The following CUL5 variants were observed in gnomAD, a reference collection of about 807,000 sequenced individuals.
CUL5 encodes cullin-5.
Under a neutral mutation model 108.8 loss-of-function variants are expected in CUL5, and 26 were observed. The observed-to-expected ratio is 0.24, with a 90% CI of 0.18 to 0.33. The LOEUF (loss-of-function observed/expected upper bound fraction) is 0.33, where lower values mean the gene tolerates loss of function less well. Among genes scored for constraint, CUL5 ranks in the 10% least tolerant of loss-of-function variants. CUL5 has a pLI of 1.00. For missense variants in CUL5, 524 were observed against 909.2 expected (o/e 0.58, Z 5.45); for synonymous variants, 334 against 298.0 (o/e 1.12, Z -1.25).
At chr11:108,046,547 C>T in intron 3 of CUL5, 178 bp downstream of exon 3, 3 of 524,622 alleles carry the variant, frequency 5.7e-6, no homozygotes, top group Non-Finnish European at 1.0e-5. Context: ...ATTTTTTTCC[C>T]ACAGTGATAC....
At position 108,026,988 on chromosome 11, in the gene CUL5, CAA is replaced by C. The variant is rs34941469; in HGVS notation, c.25-6796_25-6795del. On this transcript the variant is annotated intron_variant, in intron 1 of 18. Coordinates refer to ENST00000393094, the MANE Select transcript of CUL5 (RefSeq NM_003478.6). Reference sequence around the variant, plus strand: ...TGAAAGACAGAGTGAGACTCCGTCTCAAAAAAAAAAAAAAAAAAATTATTATT... The same window carrying C: ...TGAAAGACAGAGTGAGACTCCGTCTCAAAAAAAAAAAAAAAAATTATTATT... Among the ~76,000 whole-genome samples the C allele has an allele frequency of 4.7e-3, 455 of 97,144 alleles. 4 individuals are homozygous for C. The South Asian group carries it at 0.07, about 15-fold the overall frequency. 63.7% of individuals were successfully genotyped at this position (97,144 alleles called of 152,430 possible).
intron 11 of CUL5, among the ~76,000 whole-genome samples, chr11:108,083,325 T>C (rs1315210558): frequency 6.6e-6 from 1 of 152,228 alleles, no homozygotes; most frequent in Non-Finnish European, 1.5e-5. Context: ...CTGCATTAAG[T>C]AGTTTCCGAT....
intron 1 of CUL5, among the ~76,000 whole-genome samples, chr11:108,028,969 A>T (rs1316151424): frequency 6.6e-6 from 1 of 152,222 alleles, no homozygotes; most frequent in Non-Finnish European, 1.5e-5. Context: ...CCAGTAAGCT[A>T]AGTTACTTCT....
intron 16 of CUL5, 34 bp downstream of exon 16, chr11:108,095,725 T>C (rs1386379907): frequency 1.3e-6 from 2 of 1,545,382 alleles, no homozygotes; most frequent in African/African-American, 2.8e-5. Context: ...TAAGACTGTA[T>C]CCTCTCATGT....
intron 11 of CUL5, among the ~76,000 whole-genome samples, chr11:108,079,226 C>T (rs890536366): frequency 4.6e-5 from 7 of 152,188 alleles, no homozygotes; most frequent in African/African-American, 1.7e-4. Context: ...GCCTCAGCCT[C>T]CCGAGTAGCT....
intron 1 of CUL5, among the ~76,000 whole-genome samples, chr11:108,029,169 G>GAAGGGATTAGTTGTGCTGTAAGGAGTGAA (rs1862519405): frequency 6.6e-6 from 1 of 151,842 alleles, no homozygotes; most frequent in Non-Finnish European, 1.5e-5. Context: ...GAGTGCCTGT[G>GAAGGGATTAGTTGTGCTGTAAGGAGTGAA]AAGGGATTAG....
At chr11:108,071,155 G>GT (rs559762347) in intron 8 of CUL5, among the ~76,000 whole-genome samples, 15 of 152,268 alleles carry the variant, frequency 9.9e-5, no homozygotes, top group Admixed American at 2.0e-4. Context: ...TATTACTCAT[G>GT]TTTTTTACCT....
At chr11:108,092,245 G>A (rs777767019) in intron 13 of CUL5, among the ~76,000 whole-genome samples, 5 of 152,206 alleles carry the variant, frequency 3.3e-5, no homozygotes, top group Admixed American at 6.5e-5. Context: ...TGGAACCTTC[G>A]TAAGTTGCTA....
chr11:108,092,303 TC>T (rs1465432640), intron 13 of CUL5, among the ~76,000 whole-genome samples: 3 of 152,188 alleles, frequency 2.0e-5, no homozygotes, highest in Non-Finnish European at 4.4e-5. Flanking sequence ...GTTGGGCAGT[TC>T]CTTAAAATGT....
intron 7 of CUL5, among the ~76,000 whole-genome samples, chr11:108,056,267 T>G (rs1280557964): frequency 6.6e-6 from 1 of 152,224 alleles, no homozygotes; most frequent in East Asian, 1.9e-4. Flanking sequence ...AGCCTTGATT[T>G]AGATTTGCAT....
intron 1 of CUL5, among the ~76,000 whole-genome samples, chr11:108,020,294 A>G (rs1218155142): frequency 6.6e-6 from 1 of 152,202 alleles, no homozygotes; most frequent in African/African-American, 2.4e-5. Flanking sequence ...AGGCGTTGTT[A>G]CCATAGGAGA....
At chr11:108,014,173 C>G (rs897962560) in intron 1 of CUL5, among the ~76,000 whole-genome samples, 12 of 152,068 alleles carry the variant, frequency 7.9e-5, no homozygotes. Context: ...AGTGTTGGAG[C>G]TGGATTTTGA....
chr11:108,100,093 A>G (rs191826006), intron 18 of CUL5, among the ~76,000 whole-genome samples: 62 of 129,062 alleles, frequency 4.8e-4, no homozygotes, highest in Non-Finnish European at 8.4e-4. Context: ...TATTTTTGGA[A>G]TTTTACAAAT....
chr11:108,067,964 TG>T (rs1206772485), intron 7 of CUL5, among the ~76,000 whole-genome samples: 12 of 152,150 alleles, frequency 7.9e-5, no homozygotes, highest in Non-Finnish European at 1.5e-5. Flanking sequence ...GTTTTGCTCT[TG>T]TTGCCCAGGC....
At chr11:108,096,380 T>G (rs1045999188) in intron 16 of CUL5, among the ~76,000 whole-genome samples, 1 of 148,176 alleles carries the variant, frequency 6.7e-6, no homozygotes, top group Non-Finnish European at 1.5e-5. Flanking sequence ...TATCCCCAGC[T>G]ACTTGGAAGG....
At chr11:108,076,723 A>G (rs1863949939) in intron 10 of CUL5, among the ~76,000 whole-genome samples, 1 of 152,180 alleles carries the variant, frequency 6.6e-6, no homozygotes, top group Non-Finnish European at 1.5e-5. Context: ...CTTTGGGTAT[A>G]TGCCTAGAAG....
chr11:108,100,747 G>A (rs1038320562), intron 18 of CUL5, among the ~76,000 whole-genome samples: 7 of 151,634 alleles, frequency 4.6e-5, no homozygotes, highest in African/African-American at 1.5e-4. Context: ...GAGTTGAAAT[G>A]TGGCCAGGCG....
intron 1 of CUL5, among the ~76,000 whole-genome samples, chr11:108,009,813 T>A (rs914345002): frequency 6.6e-6 from 1 of 152,214 alleles, no homozygotes; most frequent in Non-Finnish European, 1.5e-5. Flanking sequence ...TCCATTTCTG[T>A]TCTCGTTCTG....
At chr11:108,081,932 C>G (rs1864097972) in intron 11 of CUL5, among the ~76,000 whole-genome samples, 1 of 152,166 alleles carries the variant, frequency 6.6e-6, no homozygotes. Flanking sequence ...CAAGATCATT[C>G]TGGCTATTTG....
Sources: gnomAD v4.1 joint callset for allele counts (sites outside exome capture counted in the v4.1 genomes callset) on GRCh38, gnomAD v4.1.1 for gene constraint, MANE v1.5 for transcripts, NCBI Gene and HGNC (gene_info 2026-07-23, HGNC 2026-07-21) for gene names.